AGBL4: variants seen among roughly 807,000 people sequenced by gnomAD.
AGBL4 encodes the protein AGBL carboxypeptidase 4, also known as cytosolic carboxypeptidase 6.
In AGBL4, 58 loss-of-function variants were observed where a neutral mutation model predicts 66.4. The observed-to-expected ratio is 0.87, with a 90% CI of 0.71 to 1.09. The LOEUF (loss-of-function observed/expected upper bound fraction) is 1.09, where lower values mean the gene tolerates loss of function less well. Among genes scored for constraint, AGBL4 ranks in the 50% least tolerant of loss-of-function variants. AGBL4 has a pLI of 0.00. For missense variants in AGBL4, 579 were observed against 631.0 expected (o/e 0.92, Z 0.88); for synonymous variants, 234 against 222.9 (o/e 1.05, Z -0.44).
At chr1:49,011,573 C>G (rs967493617) in intron 5 of AGBL4, among the ~76,000 whole-genome samples, 5 of 152,142 alleles carry the variant, frequency 3.3e-5, no homozygotes, top group Non-Finnish European at 7.3e-5. Context: ...TATAAAGACA[C>G]ATGCACACAT....
At chr1:49,201,415 G>T (rs754453335) in intron 4 of AGBL4, among the ~76,000 whole-genome samples, 16 of 152,266 alleles carry the variant, frequency 1.1e-4, no homozygotes, top group Non-Finnish European at 1.8e-4. Flanking sequence ...GCTTAAAAAT[G>T]ACAGTGTTAG....
intron 6 of AGBL4, among the ~76,000 whole-genome samples, chr1:48,844,477 C>T (rs556571586): frequency 5.9e-5 from 9 of 152,316 alleles, no homozygotes; most frequent in South Asian, 4.1e-4. Flanking sequence ...GTTCTTGAAA[C>T]GCATGCACTA....
chr1:49,360,192 C>T (rs1644108586), intron 3 of AGBL4, among the ~76,000 whole-genome samples: 1 of 152,082 alleles, frequency 6.6e-6, no homozygotes, highest in Non-Finnish European at 1.5e-5. Flanking sequence ...GAGTGGAAAA[C>T]CACATAGGCT....
At chr1:49,928,293 C>CAGGCTGG (rs1652995508) in intron 1 of AGBL4, among the ~76,000 whole-genome samples, 1 of 151,994 alleles carries the variant, frequency 6.6e-6, no homozygotes, top group African/African-American at 2.4e-5. Flanking sequence ...ACTCTGTCGC[C>CAGGCTGG]AGGCTGGAGT....
chr1:49,155,265 G>T (rs777649936), intron 4 of AGBL4, among the ~76,000 whole-genome samples: 12 of 152,046 alleles, frequency 7.9e-5, no homozygotes, highest in Non-Finnish European at 1.6e-4. Flanking sequence ...CTTGTTCAAG[G>T]TCACAGAGCC....
chr1:49,561,315 T>C (rs1440986462), intron 3 of AGBL4, among the ~76,000 whole-genome samples: 1 of 151,758 alleles, frequency 6.6e-6, no homozygotes, highest in Non-Finnish European at 1.5e-5. Flanking sequence ...ACTTTAACCT[T>C]TATTATACAT....
chr1:48,952,003 C>T (rs759185953), intron 5 of AGBL4, among the ~76,000 whole-genome samples: 1 of 152,174 alleles, frequency 6.6e-6, no homozygotes, highest in East Asian at 1.9e-4. Context: ...ATGAAGAAAT[C>T]TCAAGCTGAA....
At chr1:48,966,377 G>T (rs1016485261) in intron 5 of AGBL4, among the ~76,000 whole-genome samples, 2 of 152,108 alleles carry the variant, frequency 1.3e-5, no homozygotes. Context: ...TTCTGCTAAT[G>T]AAGTCATCCT....
At chr1:48,572,785 T>C (rs2148318878) in intron 11 of AGBL4, among the ~76,000 whole-genome samples, 1 of 152,184 alleles carries the variant, frequency 6.6e-6, no homozygotes, top group Admixed American at 6.5e-5. Flanking sequence ...TGCCTTCCAA[T>C]CCTCGATGTG....
chr1:48,633,912 A>C (rs187070239), intron 9 of AGBL4, among the ~76,000 whole-genome samples: 24 of 152,264 alleles, frequency 1.6e-4, no homozygotes, highest in African/African-American at 5.1e-4. Context: ...CTCCATCCAC[A>C]TGGTTCCAGA....
rs536794905 is a variant in AGBL4 at position 49,562,011 on chromosome 1, G to A, written c.282+135302C>T. On this transcript the variant is annotated intron_variant, in intron 3 of 13. Transcript: ENST00000371839. ...TAATGACTGCCATTCTAACTGGTGT[G>A]AGATGGTATCTCATTGTGGTTTTGA... 8.5e-5 allele frequency among the ~76,000 whole-genome samples: 13 copies of A among 152,212 alleles called. No individual in the cohort carries two copies. The East Asian group carries it at 2.1e-3, about 25-fold the overall frequency.
chr1:49,315,452 C>T (rs1645023123), intron 3 of AGBL4, among the ~76,000 whole-genome samples: 1 of 152,082 alleles, frequency 6.6e-6, no homozygotes, highest in African/African-American at 2.4e-5. Context: ...TCAGAGTGAA[C>T]AGGCAACCTA....
intron 4 of AGBL4, among the ~76,000 whole-genome samples, chr1:49,117,194 C>G (rs1645543910): frequency 6.6e-6 from 1 of 152,070 alleles, no homozygotes; most frequent in African/African-American, 2.4e-5. Context: ...ATGGAAGTTT[C>G]TCTGGCTGTG....
At chr1:49,241,367 T>C (rs746273482) in intron 4 of AGBL4, among the ~76,000 whole-genome samples, 2 of 152,076 alleles carry the variant, frequency 1.3e-5, no homozygotes, top group African/African-American at 2.4e-5. Flanking sequence ...CCTTTTCTCA[T>C]CAAAGATGAA....
intron 1 of AGBL4, among the ~76,000 whole-genome samples, chr1:49,934,408 T>G (rs1046823838): frequency 6.6e-6 from 1 of 152,146 alleles, no homozygotes; most frequent in Non-Finnish European, 1.5e-5. Flanking sequence ...AAAAGAGTCT[T>G]GATAAATTTA....
At chr1:48,996,968 C>T (rs1377647580) in intron 5 of AGBL4, among the ~76,000 whole-genome samples, 2 of 152,084 alleles carry the variant, frequency 1.3e-5, no homozygotes, top group Non-Finnish European at 2.9e-5. Context: ...TGTCACACAG[C>T]CTGGAGTGCA....
intron 4 of AGBL4, among the ~76,000 whole-genome samples, chr1:49,159,851 A>G (rs1486485227): frequency 6.6e-6 from 1 of 151,780 alleles, no homozygotes; most frequent in Non-Finnish European, 1.5e-5. Context: ...TGCTTGATTG[A>G]TTTGGCTATT....
intron 1 of AGBL4, among the ~76,000 whole-genome samples, chr1:49,969,727 G>A (rs372892957): frequency 9.3e-4 from 141 of 152,268 alleles, no homozygotes; most frequent in South Asian, 2.1e-3. Flanking sequence ...ACCATTGTAT[G>A]AATATACTAC....
At chr1:49,481,350 T>C (rs1192799426) in intron 3 of AGBL4, among the ~76,000 whole-genome samples, 1 of 152,102 alleles carries the variant, frequency 6.6e-6, no homozygotes, top group Non-Finnish European at 1.5e-5. Flanking sequence ...ACTTCTCTTG[T>C]TAGCTGTATT....
Sources: gnomAD v4.1 joint callset for allele counts (sites outside exome capture counted in the v4.1 genomes callset) on GRCh38, gnomAD v4.1.1 for gene constraint, MANE v1.5 for transcripts, NCBI Gene and HGNC (gene_info 2026-07-23, HGNC 2026-07-21) for gene names.